DZANK1: variants seen among roughly 807,000 people sequenced by gnomAD.
DZANK1 encodes double zinc ribbon and ankyrin repeat-containing protein 1.
Under a neutral mutation model 94.5 loss-of-function variants are expected in DZANK1, and 91 were observed. The observed-to-expected ratio is 0.96, with a 90% CI of 0.81 to 1.15. DZANK1 has a LOEUF of 1.15. DZANK1 is among the 50% of genes most tolerant of loss of function. DZANK1 has a pLI of 0.00. For synonymous variants in DZANK1, 312 were observed against 325.3 expected (o/e 0.96, Z 0.44); for missense variants, 903 against 916.4 (o/e 0.99, Z 0.19).
At chr20:18,448,421 A>T (rs1465663446) in intron 7 of DZANK1, among the ~76,000 whole-genome samples, 1 of 152,216 alleles carries the variant, frequency 6.6e-6, no homozygotes, top group Admixed American at 6.5e-5. Flanking sequence ...GGTACAATGT[A>T]GGAAATTTTT....
At chr20:18,384,910 A>G (rs2048390032) in intron 20 of DZANK1, 106 bp downstream of exon 20, 1 of 1,100,782 alleles carries the variant, frequency 9.1e-7, no homozygotes, top group East Asian at 2.6e-5. Context: ...GTCCCCATGG[A>G]CAGGGACAGC....
At chr20:18,453,811 A>C (rs1736203761) in exon 5 of DZANK1, 2 of 1,605,120 alleles carry the variant, frequency 1.2e-6, no homozygotes, top group African/African-American at 1.3e-5. Flanking sequence ...TGATCCAACA[A>C]ATCCATTTTT....
chr20:18,436,152 T>C (rs1267080531), intron 8 of DZANK1, among the ~76,000 whole-genome samples: 2 of 152,114 alleles, frequency 1.3e-5, no homozygotes, highest in African/African-American at 2.4e-5. Context: ...TTCAAAGAAC[T>C]AAAGGAAACC....
intron 8 of DZANK1, among the ~76,000 whole-genome samples, chr20:18,439,813 C>T (rs1021289610): frequency 6.6e-6 from 1 of 152,116 alleles, no homozygotes; most frequent in African/African-American, 2.4e-5. Flanking sequence ...GGTATCAACC[C>T]CACTCCAACT....
At chr20:18,420,671 G>A in intron 10 of DZANK1, 1 of 188,458 alleles carries the variant, frequency 5.3e-6, no homozygotes, top group Middle Eastern at 7.5e-4. Context: ...ATTAATATCT[G>A]CATACCACTT....
chr20:18,453,421 T>G (rs777081611), intron 5 of DZANK1, among the ~76,000 whole-genome samples: 9 of 152,086 alleles, frequency 5.9e-5, no homozygotes, highest in Non-Finnish European at 1.2e-4. Flanking sequence ...CTGCTTTCAT[T>G]TATATTTCAC....
At chr20:18,455,384 G>T in intron 3 of DZANK1, 23 bp from the exon 4 acceptor site, 1 of 1,527,916 alleles carries the variant, frequency 6.5e-7, no homozygotes, top group East Asian at 2.3e-5. Context: ...ATTAAGAAAG[G>T]AAAAAGTCTG....
chr20:18,420,676 C>A, intron 10 of DZANK1: 1 of 184,984 alleles, frequency 5.4e-6, no homozygotes, highest in Non-Finnish European at 1.2e-5. Flanking sequence ...TATCTGCATA[C>A]CACTTTTTCC....
chr20:18,413,371 G>A (rs2057345509), intron 12 of DZANK1: 1 of 153,914 alleles, frequency 6.5e-6, no homozygotes, highest in Non-Finnish European at 1.4e-5. Flanking sequence ...TATATTACAA[G>A]CAATTTCCAA....
At chr20:18,412,533 A>T in intron 13 of DZANK1, 113 bp downstream of exon 13, 1 of 1,108,218 alleles carries the variant, frequency 9.0e-7, no homozygotes, top group Non-Finnish European at 1.3e-6. Context: ...GAAAAGAAAG[A>T]AACTTACTTC....
chr20:18,409,865 C>T (rs901460008), intron 13 of DZANK1, among the ~76,000 whole-genome samples: 1 of 151,826 alleles, frequency 6.6e-6, no homozygotes, highest in African/African-American at 2.4e-5. Context: ...GTCAGGCGAT[C>T]GAGACTATTC....
At chr20:18,451,121 T>C (rs1294378054) in intron 6 of DZANK1, among the ~76,000 whole-genome samples, 1 of 152,106 alleles carries the variant, frequency 6.6e-6, no homozygotes, top group Admixed American at 6.6e-5. Flanking sequence ...AATTTTTGTA[T>C]TTTCAGTAGA....
chr20:18,408,608 C>T (rs182384562), intron 13 of DZANK1, among the ~76,000 whole-genome samples: 1 of 152,204 alleles, frequency 6.6e-6, no homozygotes, highest in African/African-American at 2.4e-5. Context: ...AGTGGCATGA[C>T]ATATTTAAAA....
chr20:18,427,472 G>A (rs562612508), intron 9 of DZANK1, among the ~76,000 whole-genome samples: 2 of 152,166 alleles, frequency 1.3e-5, no homozygotes, highest in South Asian at 4.1e-4. Context: ...ATAGGTGTGA[G>A]CCACCATGCC....
At chr20:18,450,705 T>C (rs938853848) in intron 6 of DZANK1, among the ~76,000 whole-genome samples, 1 of 152,186 alleles carries the variant, frequency 6.6e-6, no homozygotes, top group Non-Finnish European at 1.5e-5. Flanking sequence ...AGCCATGCAA[T>C]CATGGGCACA....
exon 15 of DZANK1, chr20:18,396,533 G>A: frequency 6.2e-7 from 1 of 1,613,068 alleles, no homozygotes; most frequent in Non-Finnish European, 8.5e-7. Flanking sequence ...TTCGTGGACA[G>A]TAGCAGAGAT....
intron 10 of DZANK1, among the ~76,000 whole-genome samples, chr20:18,417,016 C>CAA (rs1288477429): frequency 1.5e-5 from 1 of 64,624 alleles, no homozygotes. Flanking sequence ...TCTTACTGAT[C>CAA]AAAAAAACAA....
At chr20:18,418,251 C>T (rs933635837) in intron 10 of DZANK1, among the ~76,000 whole-genome samples, 1 of 152,022 alleles carries the variant, frequency 6.6e-6, no homozygotes, top group Non-Finnish European at 1.5e-5. Context: ...GCATGTGAAG[C>T]GGTGGGCACA....
At chr20:18,389,627 G>A (rs545726765) in intron 19 of DZANK1, 74 bp downstream of exon 19, 17 of 1,580,388 alleles carry the variant, frequency 1.1e-5, no homozygotes, top group African/African-American at 1.1e-4. Flanking sequence ...TGTGTAGACC[G>A]CTTCTGCTGC....
Sources: allele counts gnomAD v4.1 joint callset (sites outside exome capture counted in the v4.1 genomes callset), GRCh38; gene constraint gnomAD v4.1.1; transcripts MANE v1.5; gene names NCBI Gene and HGNC (gene_info 2026-07-23, HGNC 2026-07-21).